Variants in PRIM2 observed in about 807,000 individuals in gnomAD.
PRIM2 encodes the protein DNA primase large subunit.
A neutral mutation model predicts 67.3 loss-of-function variants in PRIM2; 39 were observed. The observed-to-expected ratio is 0.58, with a 90% CI of 0.45 to 0.76. The LOEUF (loss-of-function observed/expected upper bound fraction) is 0.76, where lower values mean the gene tolerates loss of function less well. Among genes scored for constraint, PRIM2 ranks in the 30% least tolerant of loss-of-function variants. The probability of loss-of-function intolerance (pLI) is 0.00; values close to 1 mark genes in which losing one functional copy is unlikely to be tolerated. For missense variants in PRIM2, 398 were observed against 598.7 expected, an observed-to-expected ratio of 0.66 and a Z score of 3.50; for synonymous variants, 143 against 198.7, an observed-to-expected ratio of 0.72 and a Z score of 2.36.
the PRIM2 span, among the ~76,000 whole-genome samples, chr6:57,263,037 T>G: frequency 6.6e-6 from 1 of 152,242 alleles, no homozygotes; most frequent in South Asian, 2.1e-4. Flanking sequence ...TCCATTTATA[T>G]ATGAATGACT....
chr6:57,528,996 G>A (rs1424752465), intron 8 of PRIM2, among the ~76,000 whole-genome samples: 12 of 152,190 alleles, frequency 7.9e-5, no homozygotes, highest in Non-Finnish European at 1.5e-4. Context: ...ACTTGTCCCA[G>A]TTTGCAGAAC....
At chr6:57,313,013 G>A (rs920338078), upstream of PRIM2, among the ~76,000 whole-genome samples, 2 of 152,268 alleles carry the variant, frequency 1.3e-5, no homozygotes, top group South Asian at 4.2e-4. Context: ...GTGGGACCAT[G>A]TTTGGGTTTT....
chr6:57,499,709 A>G lies in PRIM2; in HGVS notation c.694-7678A>G, dbSNP rs1554346675. Among the ~76,000 whole-genome samples, 10 of 152,296 alleles carry G rather than the reference A, an allele frequency of 6.6e-5. No homozygotes were observed. In the East Asian group the frequency reaches 1.9e-3, roughly 29 times the overall value. On this transcript the variant is annotated intron_variant, in intron 7 of 13. Coordinates refer to ENST00000615550, the MANE Select transcript of PRIM2 (RefSeq NM_000947.5). ...AAATTTGTATGTTTTACTCTTGTTA[A>G]TCTGTCTTTTGTTATAGGACTCTCA...
chr6:57,641,262 G>C (rs1298661781), intron 13 of PRIM2, among the ~76,000 whole-genome samples: 1 of 151,952 alleles, frequency 6.6e-6, no homozygotes, highest in Admixed American at 6.6e-5. Context: ...AGACTTAAAC[G>C]TAAGACCTAA....
At chr6:57,495,079 T>A (rs1554346249) in intron 7 of PRIM2, among the ~76,000 whole-genome samples, 1 of 152,196 alleles carries the variant, frequency 6.6e-6, no homozygotes, top group African/African-American at 2.4e-5. Flanking sequence ...AGGCAAAACA[T>A]GTTTATGTGT....
At chr6:57,444,482 G>C (rs1235976210) in intron 7 of PRIM2, among the ~76,000 whole-genome samples, 1 of 151,494 alleles carries the variant, frequency 6.6e-6, no homozygotes, top group Non-Finnish European at 1.5e-5. Flanking sequence ...CAGAAGAATC[G>C]CTTGAACCTG....
chr6:57,489,400 CA>C (rs1773829144), intron 7 of PRIM2, among the ~76,000 whole-genome samples: 2 of 152,204 alleles, frequency 1.3e-5, no homozygotes, highest in African/African-American at 4.8e-5. Context: ...ACTAAAAACA[CA>C]AAAAACTAAG....
At chr6:57,319,270 C>A (rs192885140) in intron 2 of PRIM2, among the ~76,000 whole-genome samples, 98 of 152,268 alleles carry the variant, frequency 6.4e-4, no homozygotes, top group Non-Finnish European at 1.0e-3. Context: ...TCCTGGGGGC[C>A]TACTTAATCC....
chr6:57,306,423 C>T, the PRIM2 span, among the ~76,000 whole-genome samples: 10 of 152,182 alleles, frequency 6.6e-5, no homozygotes, highest in Admixed American at 6.5e-4. Flanking sequence ...TAGCAAGAGA[C>T]GAAATTCACT....
intron 7 of PRIM2, among the ~76,000 whole-genome samples, chr6:57,394,707 G>A (rs946649621): frequency 1.3e-5 from 2 of 152,136 alleles, no homozygotes; most frequent in African/African-American, 2.4e-5. Flanking sequence ...TATTAAAGAG[G>A]AGTGGTGAGA....
At chr6:57,548,659 C>A (rs1478467973) in intron 10 of PRIM2, among the ~76,000 whole-genome samples, 3 of 152,130 alleles carry the variant, frequency 2.0e-5, no homozygotes, top group African/African-American at 7.2e-5. Flanking sequence ...ATTGTATATG[C>A]TTAGTAAAAT....
chr6:57,403,120 A>G (rs1770767224), intron 7 of PRIM2, among the ~76,000 whole-genome samples: 1 of 152,204 alleles, frequency 6.6e-6, no homozygotes, highest in Admixed American at 6.5e-5. Flanking sequence ...TTTTAGTGAA[A>G]TATTTTAGGT....
At chr6:57,491,122 C>A (rs1316165854) in intron 7 of PRIM2, among the ~76,000 whole-genome samples, 1 of 152,226 alleles carries the variant, frequency 6.6e-6, no homozygotes, top group East Asian at 1.9e-4. Flanking sequence ...ACAAGAAAAA[C>A]CCATATCCTG....
chr6:57,517,092 T>C (rs1370310678), intron 8 of PRIM2, among the ~76,000 whole-genome samples: 1 of 152,204 alleles, frequency 6.6e-6, no homozygotes, highest in Non-Finnish European at 1.5e-5. Flanking sequence ...ATGTATGCAG[T>C]AAGTCAGGAA....
the PRIM2 span, among the ~76,000 whole-genome samples, chr6:57,290,659 C>T: frequency 6.6e-6 from 1 of 152,166 alleles, no homozygotes; most frequent in East Asian, 1.9e-4. Context: ...GTCTCTCAGA[C>T]CACAGTGCAA....
rs1168425917 is a variant in PRIM2, at chr6:57,601,218, T to C, written c.1146T>C (p.His382=). Residue 382 remains histidine, a splice_region_variant and synonymous_variant, in exon 11 of 14, where the codon CAT becomes CAC. Transcript: ENST00000615550. ...LSNPPSQGDY[H]GCPFRHSDPE... Reference sequence around the variant, plus strand: ...ATCCACCAAGCCAAGGGGATTATCATGGTAAGTGCCTCCACTGGATATGTT... The same window carrying C: ...ATCCACCAAGCCAAGGGGATTATCACGGTAAGTGCCTCCACTGGATATGTT... The C allele has an allele frequency of 3.7e-6, 6 of 1,603,138 alleles. No individual in the cohort carries two copies. Among genetic ancestry groups the C allele is most frequent in the East Asian group, 2.3e-5 (1 of 44,426 alleles).
intron 10 of PRIM2, chr6:57,587,249 T>C (rs1299854427): frequency 6.6e-6 from 1 of 152,218 alleles, no homozygotes; most frequent in African/African-American, 2.4e-5. Context: ...GTCCATCATA[T>C]AGGTTCATGA....
At chr6:57,274,358 C>G in the PRIM2 span, among the ~76,000 whole-genome samples, 7 of 152,342 alleles carry the variant, frequency 4.6e-5, no homozygotes, top group South Asian at 1.4e-3. Context: ...TCCCTGCGGC[C>G]TTGCAGTTTG....
At chr6:57,446,125 G>A (rs548622408) in intron 7 of PRIM2, among the ~76,000 whole-genome samples, 39 of 152,292 alleles carry the variant, frequency 2.6e-4, no homozygotes, top group Middle Eastern at 3.4e-3. Context: ...GGGATTGGTT[G>A]GGAGGAGTTT....
Sources: allele counts gnomAD v4.1 joint callset (sites outside exome capture counted in the v4.1 genomes callset), GRCh38; gene constraint gnomAD v4.1.1; transcripts MANE v1.5; gene names NCBI Gene and HGNC (gene_info 2026-07-23, HGNC 2026-07-21).